The following AMD1 variants were observed in gnomAD, a reference collection of about 807,000 sequenced individuals.
AMD1 encodes the protein adenosylmethionine decarboxylase 1, also known as S-adenosylmethionine decarboxylase proenzyme.
Under a neutral mutation model 40.2 loss-of-function variants are expected in AMD1, and 11 were observed. That is an observed-to-expected ratio of 0.27 (90% confidence interval 0.17 to 0.45). The LOEUF is 0.45. Ranked by LOEUF, AMD1 falls within the 20% of genes least tolerant of loss-of-function variation. AMD1 has a pLI of 1.00. For synonymous variants in AMD1, 121 were observed against 130.8 expected (o/e 0.93, Z 0.51); for missense variants, 257 against 410.2 (o/e 0.63, Z 3.23).
At chr6:110,884,126 A>G (rs1785559613) in intron 1 of AMD1, among the ~76,000 whole-genome samples, 1 of 152,260 alleles carries the variant, frequency 6.6e-6, no homozygotes, top group South Asian at 2.1e-4. Flanking sequence ...TTGGGTGGCA[A>G]ATAAGTGGGG....
chr6:110,888,174 A>C (rs575597781), intron 2 of AMD1: 5 of 152,350 alleles, frequency 3.3e-5, no homozygotes, highest in Non-Finnish European at 5.9e-5. Context: ...TTCTCTATAC[A>C]AATACAGTTG....
At chr6:110,853,738 G>A in the AMD1 span, among the ~76,000 whole-genome samples, 1 of 152,178 alleles carries the variant, frequency 6.6e-6, no homozygotes, top group Non-Finnish European at 1.5e-5. Context: ...ACTGCGCCCA[G>A]CCTAAACACA....
At chr6:110,829,531 A>G in the AMD1 span, among the ~76,000 whole-genome samples, 9 of 150,268 alleles carry the variant, frequency 6.0e-5, no homozygotes, top group East Asian at 1.8e-3. Context: ...TAGCCAGGCG[A>G]GGTGGCAGGT....
chr6:110,871,449 T>G (rs369259021), upstream of AMD1, among the ~76,000 whole-genome samples: 1 of 152,200 alleles, frequency 6.6e-6, no homozygotes, highest in African/African-American at 2.4e-5. Flanking sequence ...GAACAAATTC[T>G]TGAAATGTTT....
At chr6:110,881,965 A>G (rs539955637) in intron 1 of AMD1, among the ~76,000 whole-genome samples, 6 of 152,274 alleles carry the variant, frequency 3.9e-5, no homozygotes, top group Admixed American at 6.5e-5. Context: ...ATATCCATCA[A>G]TTTGATTTAT....
chr6:110,893,748 T>C lies in AMD1; in HGVS notation c.*132T>C. 1.0e-6 allele frequency: 1 copy of C among 985,820 alleles called. No individual in the cohort carries two copies. Among genetic ancestry groups the C allele is most frequent in the Non-Finnish European group, 1.5e-6 (1 of 683,122 alleles). 61.1% of individuals were successfully genotyped at this position (985,820 alleles called of 1,614,324 possible). A position where few individuals can be genotyped will look rare whatever the true frequency, so the allele number is the denominator to read the frequency against. ...TAGTTGCAGAAAGCCCTAGATGTAA[T>C]GATAGTGTAATCATTTTGAATTGTA... On this transcript the variant is annotated 3_prime_UTR_variant, in exon 9 of 9. Coordinates refer to ENST00000368885, the MANE Select transcript of AMD1 (RefSeq NM_001634.6).
rs1786174938 is a variant in AMD1 at position 110,893,961 on chromosome 6, A to G, written c.*345A>G. 1 of 218,564 alleles carries G rather than the reference A, an allele frequency of 4.6e-6. No individual in the cohort carries two copies. Among genetic ancestry groups the G allele is most frequent in the Non-Finnish European group, 9.3e-6 (1 of 106,996 alleles). The allele number at this position is 218,564 out of a possible 1,614,324, so 13.5% of individuals were successfully genotyped here. A position where few individuals can be genotyped will look rare whatever the true frequency, so the allele number is the denominator to read the frequency against. On this transcript the variant is annotated 3_prime_UTR_variant, in exon 9 of 9. Coordinates refer to ENST00000368885, the MANE Select transcript of AMD1 (RefSeq NM_001634.6). ...ACAGTGTAATATTTCTCCAAGTATC[A>G]TCCAAAATTCCCCACAGACAAGGCT... is the stretch of plus-strand genomic sequence containing the variant.
the AMD1 span, chr6:110,815,201 C>A: frequency 1.4e-6 from 2 of 1,454,324 alleles, no homozygotes; most frequent in East Asian, 2.8e-5. Flanking sequence ...TCCTCCTCCT[C>A]CCCCCGCGAC....
the AMD1 span, chr6:110,858,682 G>A: frequency 9.0e-6 from 9 of 1,003,240 alleles, no homozygotes; most frequent in Non-Finnish European, 1.4e-5. Context: ...AGTACTCGGA[G>A]AAGCAGGAGC....
At chr6:110,884,813 A>C (rs1055002883) in intron 1 of AMD1, among the ~76,000 whole-genome samples, 2 of 152,210 alleles carry the variant, frequency 1.3e-5, no homozygotes, top group Non-Finnish European at 2.9e-5. Flanking sequence ...GAAATGGTGA[A>C]TATAACTGAG....
At chr6:110,840,603 C>T in the AMD1 span, among the ~76,000 whole-genome samples, 4 of 152,100 alleles carry the variant, frequency 2.6e-5, no homozygotes, top group Non-Finnish European at 5.9e-5. Context: ...CCTTCAGGAA[C>T]ATTCAGGAGT....
At chr6:110,835,644 T>A in the AMD1 span, among the ~76,000 whole-genome samples, 5 of 152,058 alleles carry the variant, frequency 3.3e-5, no homozygotes, top group Non-Finnish European at 5.9e-5. Flanking sequence ...GGCGGGCAGA[T>A]CACCTGAGGT....
chr6:110,826,488 A>C, the AMD1 span, among the ~76,000 whole-genome samples: 1 of 151,904 alleles, frequency 6.6e-6, no homozygotes, highest in Non-Finnish European at 1.5e-5. Context: ...GGAGGCCAGA[A>C]GTCTGAAATC....
At chr6:110,858,582 G>A in the AMD1 span, 1 of 1,594,852 alleles carries the variant, frequency 6.3e-7, no homozygotes, top group Non-Finnish European at 8.6e-7. Flanking sequence ...TTTGAGAGTG[G>A]GAACATGACG....
chr6:110,874,659 G>T (rs1199497702), upstream of AMD1: 1 of 154,628 alleles, frequency 6.5e-6, no homozygotes, highest in East Asian at 1.9e-4. Context: ...CCAGCCAGCC[G>T]CCACTCGGCC....
chr6:110,821,190 G>A, the AMD1 span, among the ~76,000 whole-genome samples: 25 of 152,144 alleles, frequency 1.6e-4, no homozygotes, highest in Non-Finnish European at 3.1e-4. Context: ...AAATGGTGGC[G>A]GCATGGAGGC....
chr6:110,867,618 C>G, the AMD1 span, among the ~76,000 whole-genome samples: 1 of 152,126 alleles, frequency 6.6e-6, no homozygotes, highest in Admixed American at 6.6e-5. Context: ...GAGCCAAGAT[C>G]GTGCTACTGC....
chr6:110,859,368 A>G, the AMD1 span, among the ~76,000 whole-genome samples: 1 of 151,956 alleles, frequency 6.6e-6, no homozygotes, highest in Non-Finnish European at 1.5e-5. Context: ...CCGTATCCCC[A>G]TACGTGTAGG....
chr6:110,876,699 C>G (rs1162038029), intron 1 of AMD1, among the ~76,000 whole-genome samples: 2 of 152,054 alleles, frequency 1.3e-5, no homozygotes, highest in African/African-American at 4.8e-5. Context: ...AGGAAGCGGA[C>G]TTTGGTCATG....
Sources: allele counts gnomAD v4.1 joint callset (sites outside exome capture counted in the v4.1 genomes callset), GRCh38; gene constraint gnomAD v4.1.1; transcripts MANE v1.5; gene names NCBI Gene and HGNC (gene_info 2026-07-23, HGNC 2026-07-21).